EFHD1: variants seen among roughly 807,000 people sequenced by gnomAD.
The protein encoded by EFHD1 is EF-hand domain family member D1, also known as EF-hand domain-containing protein D1.
EFHD1 carries 10 observed loss-of-function variants against 17.2 expected under a neutral mutation model. That is an observed-to-expected ratio of 0.58 (90% CI 0.36 to 0.99). EFHD1 has a LOEUF of 0.99. Among genes scored for constraint, EFHD1 ranks in the 50% least tolerant of loss-of-function variants. EFHD1 has a pLI of 0.01. For missense variants in EFHD1, 310 were observed against 327.5 expected, an observed-to-expected ratio of 0.95 and a Z score of 0.41; for synonymous variants, 153 against 142.0, an observed-to-expected ratio of 1.08 and a Z score of -0.55.
At chr2:232,645,178 G>C (rs1215701470) in intron 1 of EFHD1, among the ~76,000 whole-genome samples, 1 of 152,082 alleles carries the variant, frequency 6.6e-6, no homozygotes, top group Non-Finnish European at 1.5e-5. Flanking sequence ...TCAGACCTGG[G>C]TTGGCAGTGA....
chr2:232,651,683 G>A (rs1013180493), intron 1 of EFHD1, among the ~76,000 whole-genome samples: 8 of 152,142 alleles, frequency 5.3e-5, no homozygotes, highest in Non-Finnish European at 7.4e-5. Flanking sequence ...TTAGCTAGGC[G>A]TGGTGGCAGG....
intron 1 of EFHD1, among the ~76,000 whole-genome samples, chr2:232,636,906 C>G (rs749164890): frequency 6.6e-6 from 1 of 152,090 alleles, no homozygotes; most frequent in Non-Finnish European, 1.5e-5. Flanking sequence ...TCTTTTGAAC[C>G]TGATTTAGCC....
At chr2:232,611,265 C>T (rs985526223) in intron 1 of EFHD1, among the ~76,000 whole-genome samples, 9 of 151,358 alleles carry the variant, frequency 5.9e-5, no homozygotes, top group East Asian at 3.9e-4. Flanking sequence ...TCCCTGTGCC[C>T]GGCCTCCAGG....
chr2:232,674,740 G>T (rs923579378), intron 3 of EFHD1, among the ~76,000 whole-genome samples: 10 of 152,210 alleles, frequency 6.6e-5, no homozygotes, highest in Non-Finnish European at 1.5e-4. Flanking sequence ...ATTTGGGAGA[G>T]GGCCATAAAG....
intron 1 of EFHD1, among the ~76,000 whole-genome samples, chr2:232,644,110 T>A (rs1450166826): frequency 3.3e-5 from 5 of 152,126 alleles, no homozygotes; most frequent in Non-Finnish European, 7.4e-5. Context: ...AGGGAACCCC[T>A]CCTTCCATCT....
chr2:232,633,611 T>C lies in EFHD1; in HGVS notation c.-94T>C. 1 of 1,330,134 alleles carries C rather than the reference T, an allele frequency of 7.5e-7. No homozygotes were observed. The highest frequency in any genetic ancestry group is 1.5e-5 in the African/African-American group (1 of 64,626). 82.4% of individuals were successfully genotyped at this position (1,330,134 alleles called of 1,614,324 possible). A position where few individuals can be genotyped will look rare whatever the true frequency, so the allele number is the denominator to read the frequency against. On this transcript the variant is annotated 5_prime_UTR_variant, in exon 1 of 4. Transcript: ENST00000264059. The stretch of plus-strand genomic sequence containing the variant: ...GGTCCCCGCCGCCTCGGCGGAGTGT[T>C]GTAGAGCCTCGAGCCTGCGAGGAGC...
At chr2:232,631,286 T>TTC (rs955159128), upstream of EFHD1, among the ~76,000 whole-genome samples, 217 of 148,104 alleles carry the variant, frequency 1.5e-3, 1 homozygote, top group Middle Eastern at 0.01. Flanking sequence ...CTCTCTTTCT[T>TTC]TCTCTCTCTC....
chr2:232,630,081 C>T (rs954968894), upstream of EFHD1, among the ~76,000 whole-genome samples: 4 of 152,172 alleles, frequency 2.6e-5, no homozygotes, highest in African/African-American at 9.7e-5. Context: ...TCCCAGGTAG[C>T]TGGGACTACA....
chr2:232,651,541 C>T (rs915043811), intron 1 of EFHD1, among the ~76,000 whole-genome samples: 1 of 152,246 alleles, frequency 6.6e-6, no homozygotes, highest in Non-Finnish European at 1.5e-5. Flanking sequence ...GCCCTGGACC[C>T]TACCTGGGAG....
At chr2:232,669,602 CT>C (rs35352156) in intron 2 of EFHD1, among the ~76,000 whole-genome samples, 4,781 of 131,690 alleles carry the variant, frequency 0.036, 150 homozygotes, top group East Asian at 0.21. Flanking sequence ...TTTGAGAAGG[CT>C]TTTTTTTTTT....
chr2:232,634,663 G>C (rs1224709740), intron 1 of EFHD1, among the ~76,000 whole-genome samples: 1 of 152,206 alleles, frequency 6.6e-6, no homozygotes, highest in Non-Finnish European at 1.5e-5. Context: ...GTGAGCCCCA[G>C]TGCGCGGGGA....
intron 1 of EFHD1, among the ~76,000 whole-genome samples, chr2:232,657,899 CTTTTTTTTTTT>C (rs1194396166): frequency 9.9e-6 from 1 of 100,660 alleles, no homozygotes; most frequent in Non-Finnish European, 2.0e-5. Context: ...TCTTTCTTTT[CTTTTTTTTTTT>C]TTTTTTTTGA....
At position 232,610,167 on chromosome 2, in the gene EFHD1, G is replaced by A. The variant is rs190416815; in HGVS notation, c.14+3994G>A. ...CCTTCAGACAGGGTTGCCTGTGTCTGTCCCTGTTTGTTTATATCACAGCAG... is the reference window on the plus strand; with the variant it reads ...CCTTCAGACAGGGTTGCCTGTGTCTATCCCTGTTTGTTTATATCACAGCAG... On this transcript the variant is annotated intron_variant, in intron 1 of 3. Transcript: ENST00000409613. 2.8e-3 allele frequency among the ~76,000 whole-genome samples: 423 copies of A among 152,364 alleles called. 1 individual carries two copies. The highest frequency in any genetic ancestry group is 4.0e-3 in the Non-Finnish European group (269 of 68,034).
chr2:232,670,794 A>G (rs189498823), intron 2 of EFHD1, among the ~76,000 whole-genome samples: 2 of 152,202 alleles, frequency 1.3e-5, no homozygotes, highest in Non-Finnish European at 2.9e-5. Flanking sequence ...TAGCATAAAC[A>G]TACTTAAAAG....
intron 1 of EFHD1, among the ~76,000 whole-genome samples, chr2:232,608,978 T>C (rs1693765534): frequency 6.7e-6 from 1 of 148,778 alleles, no homozygotes; most frequent in African/African-American, 2.5e-5. Flanking sequence ...CATATCACTA[T>C]CACAATACAT....
At chr2:232,632,346 C>T (rs971865330), upstream of EFHD1, among the ~76,000 whole-genome samples, 5 of 152,316 alleles carry the variant, frequency 3.3e-5, no homozygotes. Context: ...CACTCGCATG[C>T]CAAAGGCTGG....
At chr2:232,634,891 G>C (rs1384765946) in intron 1 of EFHD1, among the ~76,000 whole-genome samples, 1 of 152,204 alleles carries the variant, frequency 6.6e-6, no homozygotes, top group African/African-American at 2.4e-5. Context: ...AAAAATGCCT[G>C]GGGGAGCTGA....
chr2:232,662,808 C>A lies in EFHD1; in HGVS notation c.309C>A (p.Asp103Glu). 3 of 1,577,178 alleles carry A rather than the reference C, an allele frequency of 1.9e-6. No individual in the cohort carries two copies. The highest frequency in any genetic ancestry group is 2.6e-6 in the Non-Finnish European group (3 of 1,164,846). Reference sequence around the variant, plus strand: ...CATTCCTTTGACCCTGCAGGTATGACGCTGGGCGGGATGGCTTCATCGACC... The same window carrying A: ...CATTCCTTTGACCCTGCAGGTATGAAGCTGGGCGGGATGGCTTCATCGACC... The part of the protein sequence containing the change: ...KDLESMFKLY[D>E]AGRDGFIDLM... The change falls in exon 2 of 4, where the codon GAC becomes GAA. Residue 103 changes from aspartate (D) to glutamate (E), a missense_variant. Asp to Glu is a conservative substitution (Grantham distance 45). Coordinates refer to ENST00000264059, the MANE Select transcript of EFHD1 (RefSeq NM_025202.4).
chr2:232,649,241 C>T (rs185947257), intron 1 of EFHD1, among the ~76,000 whole-genome samples: 111 of 152,324 alleles, frequency 7.3e-4, no homozygotes, highest in African/African-American at 2.6e-3. Context: ...TCGGAGTCAC[C>T]TCGGGCCCTT....
Sources: allele counts gnomAD v4.1 joint callset (sites outside exome capture counted in the v4.1 genomes callset), GRCh38; gene constraint gnomAD v4.1.1; transcripts MANE v1.5; gene names NCBI Gene and HGNC (gene_info 2026-07-23, HGNC 2026-07-21).